Variants in MAGI3 observed in about 807,000 individuals in gnomAD.
MAGI3 encodes the protein membrane associated guanylate kinase, WW and PDZ domain containing 3, also known as membrane-associated guanylate kinase, WW and PDZ domain-containing protein 3.
In MAGI3, 43 loss-of-function variants were observed where a neutral mutation model predicts 121.8. The ratio of observed to expected loss-of-function variants is 0.35; its 90% CI spans 0.28 to 0.46. MAGI3 has a LOEUF of 0.46. Ranked by LOEUF, MAGI3 falls within the 20% of genes least tolerant of loss-of-function variation. MAGI3 has a pLI of 1.00. For synonymous variants in MAGI3, 553 were observed against 639.3 expected (o/e 0.86, Z 2.04); for missense variants, 1,547 against 1,797.3 (o/e 0.86, Z 2.52).
intron 1 of MAGI3, among the ~76,000 whole-genome samples, chr1:113,513,710 G>T (rs1051040314): frequency 6.6e-6 from 1 of 152,152 alleles, no homozygotes; most frequent in Non-Finnish European, 1.5e-5. Context: ...TCAGGACCTA[G>T]GCATGGGCAA....
rs1180207402 is a variant in MAGI3 at position 113,683,416 on chromosome 1, G to A, written c.3848G>A (p.Arg1283Lys). 1.2e-6 allele frequency: 2 copies of A among 1,613,928 alleles called. No homozygotes were observed. The highest frequency in any genetic ancestry group is 1.6e-4 in the Middle Eastern group (1 of 6,084). ...GSGQDQCRKS[R>K]GRSASPKKQQ... ...GGACAAGATCAGTGCAGAAAAAGCA[G>A]AGGTCGGTCGGCCAGCCCAAAAAAG... The change falls in exon 21 of 21, where the codon AGA (arginine) becomes AAA (lysine). Residue 1283 changes from arginine to lysine, a missense_variant. Arg to Lys is a conservative substitution (Grantham distance 26). Transcript: ENST00000307546.
intron 1 of MAGI3, among the ~76,000 whole-genome samples, chr1:113,420,726 T>A (rs1652692963): frequency 6.6e-6 from 1 of 152,236 alleles, no homozygotes; most frequent in African/African-American, 2.4e-5. Flanking sequence ...GTTGAATATT[T>A]CATGGTTTTG....
intron 1 of MAGI3, among the ~76,000 whole-genome samples, chr1:113,466,326 G>A (rs1655283756): frequency 6.6e-6 from 1 of 152,104 alleles, no homozygotes; most frequent in Non-Finnish European, 1.5e-5. Context: ...TTGCATCCCT[G>A]GGATGAATCC....
chr1:113,399,439 G>A (rs1651287439), intron 1 of MAGI3, among the ~76,000 whole-genome samples: 1 of 152,074 alleles, frequency 6.6e-6, no homozygotes, highest in Admixed American at 6.6e-5. Flanking sequence ...AATACTACAG[G>A]AAATGATCTC....
intron 1 of MAGI3, among the ~76,000 whole-genome samples, chr1:113,441,040 C>G (rs562196724): frequency 6.6e-6 from 1 of 152,252 alleles, no homozygotes; most frequent in Non-Finnish European, 1.5e-5. Context: ...ACCGCCACTA[C>G]CAGATATATA....
chr1:113,590,263 A>G lies in MAGI3; in HGVS notation c.764-221A>G, dbSNP rs942367924. On this transcript the variant is annotated intron_variant, in intron 4 of 20. Transcript: ENST00000307546. ...TATTGTTGTTTTTTGCTTCTTTCCAAGACTAGCATCAGAGGTGCTATACAG... is the reference window on the plus strand; with the variant it reads ...TATTGTTGTTTTTTGCTTCTTTCCAGGACTAGCATCAGAGGTGCTATACAG... Among the ~76,000 whole-genome samples, 6 of 152,252 alleles carry G rather than the reference A, an allele frequency of 3.9e-5. No individual in the cohort carries two copies. In the South Asian group the frequency reaches 1.0e-3, roughly 26 times the overall value.
At chr1:113,541,586 G>A (rs1659290330) in intron 1 of MAGI3, among the ~76,000 whole-genome samples, 1 of 152,150 alleles carries the variant, frequency 6.6e-6, no homozygotes, top group African/African-American at 2.4e-5. Flanking sequence ...GGCATACTTA[G>A]AGAAATGTGT....
chr1:113,631,103 G>A (rs1304247738), intron 9 of MAGI3, among the ~76,000 whole-genome samples: 1 of 152,106 alleles, frequency 6.6e-6, no homozygotes. Flanking sequence ...TTGTGACAGG[G>A]GAGCACTGAG....
At chr1:113,668,417 T>G (rs1647295215) in intron 16 of MAGI3, among the ~76,000 whole-genome samples, 1 of 152,092 alleles carries the variant, frequency 6.6e-6, no homozygotes, top group Non-Finnish European at 1.5e-5. Flanking sequence ...ATGGAATAAA[T>G]ATTTGACTTT....
intron 2 of MAGI3, among the ~76,000 whole-genome samples, chr1:113,576,367 G>A (rs954879987): frequency 2.6e-5 from 4 of 152,196 alleles, no homozygotes; most frequent in African/African-American, 9.6e-5. Flanking sequence ...ATAGTATTTG[G>A]GCCAGGTAGC....
intron 1 of MAGI3, among the ~76,000 whole-genome samples, chr1:113,477,203 A>G (rs887418928): frequency 5.9e-5 from 9 of 152,172 alleles, no homozygotes; most frequent in Admixed American, 5.2e-4. Context: ...GTGTCTTTTA[A>G]TTGGGGCATT....
intron 1 of MAGI3, among the ~76,000 whole-genome samples, chr1:113,470,350 G>A (rs1162067044): frequency 6.6e-6 from 1 of 151,812 alleles, no homozygotes; most frequent in Non-Finnish European, 1.5e-5. Flanking sequence ...CACCACATTC[G>A]CATTCTAGTT....
At chr1:113,529,548 G>A (rs1658611101) in intron 1 of MAGI3, among the ~76,000 whole-genome samples, 1 of 152,148 alleles carries the variant, frequency 6.6e-6, no homozygotes, top group South Asian at 2.1e-4. Context: ...TGGGGGTTAG[G>A]TGTCAGCATA....
chr1:113,612,252 A>G (rs1158997361), intron 6 of MAGI3, among the ~76,000 whole-genome samples: 1 of 152,162 alleles, frequency 6.6e-6, no homozygotes, highest in Non-Finnish European at 1.5e-5. Context: ...AGACTGCTTA[A>G]ACATCAGCTT....
chr1:113,506,302 C>T (rs920501338), intron 1 of MAGI3, among the ~76,000 whole-genome samples: 3 of 152,064 alleles, frequency 2.0e-5, no homozygotes, highest in African/African-American at 4.8e-5. Context: ...TTATGCAGAA[C>T]GTTTTAGGCT....
rs1464140302 is a variant in MAGI3 at position 113,642,080 on chromosome 1, T to C, written c.1530T>C (p.Ala510=). Residue 510 remains alanine, a synonymous_variant, in exon 10 of 21, where the codon GCT becomes GCC. Coordinates refer to ENST00000307546, the MANE Select transcript of MAGI3 (RefSeq NM_001142782.2). ...ATCCTGTTGTGGACATTGTTGCTGC[T>C]ACCCCTGTCATCAATGGACAGTCAT... ...SEDPVVDIVA[A]TPVINGQSLT... The C allele has an allele frequency of 6.2e-7, 1 of 1,614,176 alleles. No individual in the cohort carries two copies. Among genetic ancestry groups the C allele is most frequent in the Non-Finnish European group, 8.5e-7 (1 of 1,180,030 alleles).
chr1:113,636,659 A>T (rs1185913068), intron 9 of MAGI3, among the ~76,000 whole-genome samples: 1 of 152,020 alleles, frequency 6.6e-6, no homozygotes, highest in African/African-American at 2.4e-5. Context: ...TATGTGGTCA[A>T]TTTTGGAATA....
intron 1 of MAGI3, among the ~76,000 whole-genome samples, chr1:113,473,836 C>T (rs1442057246): frequency 5.3e-5 from 8 of 152,278 alleles, no homozygotes; most frequent in Non-Finnish European, 5.9e-5. Flanking sequence ...CTTGAGGAAT[C>T]GCCACACTGT....
chr1:113,640,015 C>T (rs1315409511), intron 9 of MAGI3, among the ~76,000 whole-genome samples: 3 of 152,048 alleles, frequency 2.0e-5, no homozygotes, highest in Non-Finnish European at 4.4e-5. Flanking sequence ...TTCTTAAACT[C>T]AAGAAATAAG....
Sources: allele counts gnomAD v4.1 joint callset (sites outside exome capture counted in the v4.1 genomes callset), GRCh38; gene constraint gnomAD v4.1.1; transcripts MANE v1.5; gene names NCBI Gene and HGNC (gene_info 2026-07-23, HGNC 2026-07-21).